Variants in CNNM2 observed in about 807,000 individuals in gnomAD.
CNNM2 encodes metal transporter CNNM2.
CNNM2 carries 12 observed loss-of-function variants against 66.9 expected under a neutral mutation model. That is an observed-to-expected ratio of 0.18 (90% confidence interval 0.11 to 0.29). CNNM2 has a LOEUF of 0.29. Ranked by LOEUF, CNNM2 falls within the 10% of genes least tolerant of loss-of-function variation. The pLI is 1.00. For synonymous variants in CNNM2, 557 were observed against 501.8 expected (o/e 1.11, Z -1.47); for missense variants, 705 against 1,167.7 (o/e 0.60, Z 5.77).
At position 103,086,779 on chromosome 10, in the gene CNNM2, T is replaced by TG. The variant is rs1440872244; in HGVS notation, c.*9601dup. 6.6e-6 allele frequency: 1 copy of TG among 152,232 alleles called. No individual in the cohort carries two copies. Among genetic ancestry groups the TG allele is most frequent in the Non-Finnish European group, 1.5e-5 (1 of 68,052 alleles). 9.4% of individuals were successfully genotyped at this position (152,232 alleles called of 1,614,324 possible). A position where few individuals can be genotyped will look rare whatever the true frequency, so the allele number is the denominator to read the frequency against. ...TTAGGTCTCAGCAGAGGTATGCTTA[T>TG]GGCAAGAGAAAAATCTTAGGTCTAA... On this transcript the variant is annotated 3_prime_UTR_variant, in exon 8 of 8. Coordinates refer to ENST00000369878, the MANE Select transcript of CNNM2 (RefSeq NM_017649.5).
chr10:103,039,481 G>A (rs2065001595), intron 1 of CNNM2, among the ~76,000 whole-genome samples: 1 of 152,102 alleles, frequency 6.6e-6, no homozygotes, highest in Non-Finnish European at 1.5e-5. Flanking sequence ...GACTTGCAAG[G>A]CACATATCAG....
At chr10:103,022,084 A>T (rs2064594133) in intron 1 of CNNM2, among the ~76,000 whole-genome samples, 2 of 152,172 alleles carry the variant, frequency 1.3e-5, no homozygotes, top group African/African-American at 4.8e-5. Context: ...ATGGGACTGA[A>T]GCAGCCACAA....
In CNNM2 at chr10:103,089,978, CT is replaced by C. The variant is rs1036298320; in HGVS notation, c.*12799del. 12 of 1,287,214 alleles carry C rather than the reference CT, an allele frequency of 9.3e-6. No individual in the cohort carries two copies. In the African/African-American group the frequency reaches 1.8e-4, roughly 19 times the overall value. 79.7% of individuals were successfully genotyped at this position (1,287,214 alleles called of 1,614,324 possible). The stretch of plus-strand genomic sequence containing the variant: ...GTAGCTACTCCCCAAATCCTAACCC[CT>C]CTCCTCTGTTAGGTGGCCATGCAAT... On this transcript the variant is annotated 3_prime_UTR_variant, in exon 8 of 8. Coordinates refer to ENST00000369878, the MANE Select transcript of CNNM2 (RefSeq NM_017649.5).
chr10:102,949,863 C>T (rs547927095), intron 1 of CNNM2, among the ~76,000 whole-genome samples: 52 of 152,246 alleles, frequency 3.4e-4, no homozygotes, highest in African/African-American at 1.2e-3. Flanking sequence ...GATGAGGAGA[C>T]ACACTCCATC....
chr10:103,056,927 G>T lies in CNNM2; in HGVS notation c.2036G>T (p.Arg679Leu), dbSNP rs753065287. The T allele has an allele frequency of 5.6e-6, 9 of 1,613,444 alleles. No individual in the cohort carries two copies. Among genetic ancestry groups the T allele is most frequent in the Non-Finnish European group, 5.1e-6 (6 of 1,179,752 alleles). The change falls in exon 4 of 8, where the codon CGC becomes CTC. Residue 679 changes from arginine (R) to leucine (L), a missense_variant. Physicochemically the swap from Arg to Leu is moderately radical, Grantham distance 102 (BLOSUM62 -2). Around this residue, in one of 9 missense-constraint regions of CNNM2, gnomAD observed 171 missense variants for 304.8 expected, o/e 0.56. Coordinates refer to ENST00000369878, the MANE Select transcript of CNNM2 (RefSeq NM_017649.5). ...GCCCCCGAATACTACCTCTACCAGC[G>T]CAACAAGCCAGTAGACTACTTCGTT... is the stretch of plus-strand genomic sequence containing the variant. Reference protein sequence around the residue: ...KKAPEYYLYQRNKPVDYFVLI... With the variant: ...KKAPEYYLYQLNKPVDYFVLI...
chr10:103,050,245 T>C (rs1364133041), intron 2 of CNNM2, among the ~76,000 whole-genome samples: 4 of 152,162 alleles, frequency 2.6e-5, no homozygotes, highest in Non-Finnish European at 5.9e-5. Flanking sequence ...TTAAAGTGAA[T>C]GGGAGGCCGG....
chr10:102,920,437 G>A (rs1031629140), intron 1 of CNNM2, among the ~76,000 whole-genome samples: 1 of 151,074 alleles, frequency 6.6e-6, no homozygotes, highest in Non-Finnish European at 1.5e-5. Flanking sequence ...CGCCTTCATT[G>A]TCTGGGTTCT....
chr10:103,036,255 C>T (rs1228601345), intron 1 of CNNM2, among the ~76,000 whole-genome samples: 2 of 152,166 alleles, frequency 1.3e-5, no homozygotes, highest in Non-Finnish European at 2.9e-5. Context: ...AGATGACAAG[C>T]AGGCTGGAAT....
chr10:103,019,911 CTT>C (rs1229693204), intron 1 of CNNM2, among the ~76,000 whole-genome samples: 1 of 152,072 alleles, frequency 6.6e-6, no homozygotes, highest in Non-Finnish European at 1.5e-5. Flanking sequence ...GACACACACA[CTT>C]TGGAAAAAAA....
chr10:102,930,913 T>C (rs932655690), intron 1 of CNNM2, among the ~76,000 whole-genome samples: 2 of 152,202 alleles, frequency 1.3e-5, no homozygotes, highest in African/African-American at 2.4e-5. Context: ...TTTATAGATA[T>C]ACCACATGTT....
In CNNM2 at chr10:103,068,705, C is replaced by T. The variant is rs1229458417; in HGVS notation, c.2150C>T (p.Ala717Val). 6.2e-7 allele frequency: 1 copy of T among 1,612,452 alleles called. No individual in the cohort carries two copies. Among genetic ancestry groups the T allele is most frequent in the Admixed American group, 1.7e-5 (1 of 59,880 alleles). ...ASAFSYYGVMALTASPVPLSL... is the reference protein window; with the variant it reads ...ASAFSYYGVMVLTASPVPLSL... The stretch of plus-strand genomic sequence containing the variant: ...GCCTTCTCATACTATGGCGTGATGG[C>T]CCTGACAGCCTCTCCAGGTATGTTT... The change falls in exon 5 of 8, where the codon GCC (alanine) becomes GTC (valine). Residue 717 changes from alanine to valine, a missense_variant. Ala to Val is a moderately conservative substitution (Grantham distance 64). Coordinates refer to ENST00000369878, the MANE Select transcript of CNNM2 (RefSeq NM_017649.5).
rs1165814414 is a variant in CNNM2, at chr10:103,084,862, CTTATT to C, written c.*7687_*7691del. ...ATAGCCTGGAGTTGATTTCTGGAAACTTATTTTATACTTTTTGAAGGTAATTTAAA... is the reference window on the plus strand; with the variant it reads ...ATAGCCTGGAGTTGATTTCTGGAAACTTATACTTTTTGAAGGTAATTTAAA... On this transcript the variant is annotated 3_prime_UTR_variant, in exon 8 of 8. Transcript: ENST00000369878. The C allele has an allele frequency of 1.3e-5, 2 of 152,072 alleles. No individual in the cohort carries two copies. The highest frequency in any genetic ancestry group is 1.9e-4 in the East Asian group (1 of 5,190). The allele number at this position is 152,072 out of a possible 1,614,324, so 9.4% of individuals were successfully genotyped here.
intron 3 of CNNM2, among the ~76,000 whole-genome samples, chr10:103,055,016 A>G (rs1235820102): frequency 1.5e-4 from 23 of 152,230 alleles, no homozygotes; most frequent in Admixed American, 1.4e-3. Flanking sequence ...GAACTTTGAT[A>G]TGGATTTCTT....
intron 1 of CNNM2, among the ~76,000 whole-genome samples, chr10:103,035,603 G>A (rs900506178): frequency 1.3e-5 from 2 of 152,194 alleles, no homozygotes; most frequent in African/African-American, 4.8e-5. Flanking sequence ...ATTTGGATGG[G>A]CCATTAAGTA....
rs2065260111 is a variant in CNNM2, at chr10:103,054,187, CCCGTGGCATCTGTGCAT to C, written c.1766-141_1766-125del. The stretch of plus-strand genomic sequence containing the variant: ...GGATCTGGCTCTCCCTCCCTCCTTC[CCCGTGGCATCTGTGCAT>C]AGAGCGCCTGCATCTGGAAATACAG... On this transcript the variant is annotated intron_variant, in intron 2 of 7. Transcript: ENST00000369878. The surrounding 1 kb of genome is among the most constrained non-coding windows in gnomAD (Gnocchi z 5.2). The C allele has an allele frequency of 1.1e-6, 1 of 892,290 alleles. No homozygotes were observed. The highest frequency in any genetic ancestry group is 2.8e-5 in the Admixed American group (1 of 36,260). 55.3% of individuals were successfully genotyped at this position (892,290 alleles called of 1,614,324 possible). A position where few individuals can be genotyped will look rare whatever the true frequency, so the allele number is the denominator to read the frequency against.
At chr10:103,062,329 C>T (rs1315599614) in intron 4 of CNNM2, among the ~76,000 whole-genome samples, 3 of 152,140 alleles carry the variant, frequency 2.0e-5, no homozygotes, top group Non-Finnish European at 4.4e-5. Flanking sequence ...ATGCCTTCAC[C>T]CTTCACCTGA....
chr10:103,010,051 G>A (rs1161531588), intron 1 of CNNM2, among the ~76,000 whole-genome samples: 1 of 151,902 alleles, frequency 6.6e-6, no homozygotes, highest in Non-Finnish European at 1.5e-5. Context: ...AACATTTAGA[G>A]AGATGGAAAT....
chr10:103,059,373 A>T (rs575613195), intron 4 of CNNM2, among the ~76,000 whole-genome samples: 2 of 152,156 alleles, frequency 1.3e-5, no homozygotes, highest in South Asian at 4.1e-4. Context: ...GCAGGAAAAA[A>T]CCCTTTAAGT....
chr10:103,068,512 T>C lies in CNNM2; in HGVS notation c.2074-117T>C, dbSNP rs2065518582. ...AAAGATGAGCTGAAGCTTTACTCCCTCGATAGTGTTGGGAAAAGAAATCAG... is the reference window on the plus strand; with the variant it reads ...AAAGATGAGCTGAAGCTTTACTCCCCCGATAGTGTTGGGAAAAGAAATCAG... On this transcript the variant is annotated intron_variant, in intron 4 of 7. Transcript: ENST00000369878. The C allele has an allele frequency of 3.6e-6, 3 of 826,456 alleles. No homozygotes were observed. The highest frequency in any genetic ancestry group is 3.4e-5 in the African/African-American group (2 of 59,250). 51.2% of individuals were successfully genotyped at this position (826,456 alleles called of 1,614,324 possible).
Sources: allele counts gnomAD v4.1 joint callset (sites outside exome capture counted in the v4.1 genomes callset), GRCh38; gene constraint gnomAD v4.1.1; regional missense constraint gnomAD v4.1.1; non-coding constraint Gnocchi (gnomAD v3.1); transcripts MANE v1.5; gene names NCBI Gene and HGNC (gene_info 2026-07-23, HGNC 2026-07-21).